The following GRM8 variants were observed in gnomAD, a reference collection of about 807,000 sequenced individuals.
GRM8 encodes the protein glutamate metabotropic receptor 8.
In GRM8, 47 loss-of-function variants were observed where a neutral mutation model predicts 87.2. The ratio of observed to expected loss-of-function variants is 0.54; its 90% CI spans 0.43 to 0.69. The LOEUF (loss-of-function observed/expected upper bound fraction) is 0.69, where lower values mean the gene tolerates loss of function less well. Among genes scored for constraint, GRM8 ranks in the 30% least tolerant of loss-of-function variants. The probability of loss-of-function intolerance (pLI) is 0.00; values close to 1 mark genes in which losing one functional copy is unlikely to be tolerated. For missense variants in GRM8, 1,019 were observed against 1,139.2 expected, an observed-to-expected ratio of 0.89 and a Z score of 1.52; for synonymous variants, 396 against 404.5, an observed-to-expected ratio of 0.98 and a Z score of 0.25.
intron 6 of GRM8, among the ~76,000 whole-genome samples, chr7:126,830,542 T>C (rs1466683378): frequency 6.6e-6 from 1 of 152,252 alleles, no homozygotes; most frequent in Non-Finnish European, 1.5e-5. Context: ...GAGCCTTGGC[T>C]TTCAGCTCCA....
chr7:126,888,602 G>A (rs1800712426), intron 6 of GRM8, among the ~76,000 whole-genome samples: 1 of 151,986 alleles, frequency 6.6e-6, no homozygotes, highest in Non-Finnish European at 1.5e-5. Context: ...TTCAGTTTTA[G>A]ATAATCTCCC....
intron 7 of GRM8, among the ~76,000 whole-genome samples, chr7:126,628,394 A>C (rs1800907849): frequency 6.6e-6 from 1 of 152,158 alleles, no homozygotes. Flanking sequence ...ACTTGTAATA[A>C]TATCTTTCTT....
At chr7:127,215,848 T>G (rs555603050) in intron 2 of GRM8, among the ~76,000 whole-genome samples, 2 of 152,284 alleles carry the variant, frequency 1.3e-5, no homozygotes, top group South Asian at 4.2e-4. Context: ...TCCTACTCTG[T>G]TACCTCCCAG....
At chr7:126,704,590 C>A (rs1021437227) in intron 7 of GRM8, among the ~76,000 whole-genome samples, 9 of 152,138 alleles carry the variant, frequency 5.9e-5, no homozygotes, top group Admixed American at 2.6e-4. Context: ...TCACTGAATT[C>A]TTTTTCTCAG....
intron 6 of GRM8, among the ~76,000 whole-genome samples, chr7:126,782,993 G>A (rs1820245839): frequency 6.6e-6 from 1 of 152,142 alleles, no homozygotes. Context: ...CTCCCTTGCT[G>A]CCTTCCAATT....
intron 2 of GRM8, among the ~76,000 whole-genome samples, chr7:127,231,917 C>T (rs544585931): frequency 5.3e-5 from 8 of 150,726 alleles, no homozygotes; most frequent in African/African-American, 9.8e-5. Flanking sequence ...TTTCTTTTGG[C>T]GCTGAAACGA....
chr7:126,659,387 T>C (rs1044849643), intron 7 of GRM8, among the ~76,000 whole-genome samples: 3 of 152,170 alleles, frequency 2.0e-5, no homozygotes, highest in African/African-American at 7.2e-5. Flanking sequence ...TGCTCTGGAG[T>C]GGCTTTAGAT....
chr7:126,525,372 T>C (rs988367925), intron 9 of GRM8, among the ~76,000 whole-genome samples: 1 of 152,204 alleles, frequency 6.6e-6, no homozygotes, highest in Non-Finnish European at 1.5e-5. Context: ...CAGTGCCTTA[T>C]AGGTACAGAA....
chr7:126,804,766 T>C (rs1443625332), intron 6 of GRM8, among the ~76,000 whole-genome samples: 1 of 152,240 alleles, frequency 6.6e-6, no homozygotes, highest in South Asian at 2.1e-4. Context: ...TGTATGTTTA[T>C]AACAAAGGAT....
intron 6 of GRM8, among the ~76,000 whole-genome samples, chr7:126,797,542 G>A (rs1036739948): frequency 6.6e-6 from 1 of 151,978 alleles, no homozygotes; most frequent in Admixed American, 6.6e-5. Flanking sequence ...TAGGACTGCA[G>A]CCAGCAGTGT....
intron 9 of GRM8, among the ~76,000 whole-genome samples, chr7:126,492,067 T>G (rs1808079721): frequency 6.6e-6 from 1 of 151,984 alleles, no homozygotes; most frequent in Non-Finnish European, 1.5e-5. Flanking sequence ...TAACTTTTAT[T>G]TTTCTTTGAG....
intron 2 of GRM8, among the ~76,000 whole-genome samples, chr7:127,176,965 G>A (rs1315774984): frequency 1.3e-5 from 2 of 152,264 alleles, no homozygotes; most frequent in African/African-American, 2.4e-5. Flanking sequence ...ATCTCTAGCT[G>A]AACTTTGTAA....
At chr7:126,887,968 C>A (rs1800657946) in intron 6 of GRM8, among the ~76,000 whole-genome samples, 1 of 152,084 alleles carries the variant, frequency 6.6e-6, no homozygotes, top group African/African-American at 2.4e-5. Context: ...ATGCCAGAAT[C>A]CAAGGAGGCT....
At chr7:126,631,263 G>GT (rs1392095987) in intron 7 of GRM8, among the ~76,000 whole-genome samples, 1 of 152,054 alleles carries the variant, frequency 6.6e-6, no homozygotes, top group Non-Finnish European at 1.5e-5. Context: ...GCCAAATCAT[G>GT]TATGAACTCC....
intron 3 of GRM8, among the ~76,000 whole-genome samples, chr7:127,034,444 C>G (rs1011553147): frequency 6.6e-6 from 1 of 152,124 alleles, no homozygotes; most frequent in African/African-American, 2.4e-5. Flanking sequence ...GTACACTGCC[C>G]CAAAATAAAC....
intron 3 of GRM8, among the ~76,000 whole-genome samples, chr7:127,098,839 T>G (rs1300794223): frequency 6.6e-6 from 1 of 152,158 alleles, no homozygotes; most frequent in Non-Finnish European, 1.5e-5. Context: ...CTGTAATGTA[T>G]GCAATGATGA....
intron 7 of GRM8, among the ~76,000 whole-genome samples, chr7:126,635,642 A>C (rs1190289730): frequency 6.6e-6 from 1 of 151,958 alleles, no homozygotes; most frequent in African/African-American, 2.4e-5. Flanking sequence ...TTTTTGAACT[A>C]CCTCTCCCTA....
At chr7:126,463,312 G>T (rs550982293) in intron 9 of GRM8, among the ~76,000 whole-genome samples, 1 of 151,612 alleles carries the variant, frequency 6.6e-6, no homozygotes, top group Admixed American at 6.6e-5. Context: ...CATATACTTT[G>T]AATTATTTTC....
intron 2 of GRM8, among the ~76,000 whole-genome samples, chr7:127,212,594 T>A (rs374856234): frequency 5.3e-5 from 8 of 151,924 alleles, no homozygotes; most frequent in African/African-American, 1.9e-4. Context: ...ATTTTTTGTA[T>A]TTTTAGTAGA....
Sources: allele counts gnomAD v4.1 joint callset (sites outside exome capture counted in the v4.1 genomes callset), GRCh38; gene constraint gnomAD v4.1.1; transcripts MANE v1.5; gene names NCBI Gene and HGNC (gene_info 2026-07-23, HGNC 2026-07-21).